SLC13A2: variants seen among roughly 807,000 people sequenced by gnomAD.
The protein encoded by SLC13A2 is solute carrier family 13 member 2, also known as Na(+)-coupled citrate transporter.
SLC13A2 carries 40 observed loss-of-function variants against 58.5 expected under a neutral mutation model. That is an observed-to-expected ratio of 0.68 (90% CI 0.53 to 0.89). SLC13A2 has a LOEUF of 0.89. Ranked by LOEUF, SLC13A2 falls within the 40% of genes least tolerant of loss-of-function variation. The pLI is 0.00. For synonymous variants in SLC13A2, 341 were observed against 331.6 expected, an observed-to-expected ratio of 1.03 and a Z score of -0.31; for missense variants, 694 against 772.6, an observed-to-expected ratio of 0.90 and a Z score of 1.21.
At chr17:28,487,482 T>C (rs2068903226) in intron 1 of SLC13A2, 1 of 937,570 alleles carries the variant, frequency 1.1e-6, no homozygotes, top group Non-Finnish European at 1.3e-6. Flanking sequence ...TTGAAGCACA[T>C]AGAATATGAC....
In SLC13A2 at chr17:28,494,849, TG is replaced by T. The variant is rs1567860191; in HGVS notation, c.1308+342del. Among the ~76,000 whole-genome samples, 1 of 151,994 alleles carries T rather than the reference TG, an allele frequency of 6.6e-6. No individual in the cohort carries two copies. The highest frequency in any genetic ancestry group is 2.4e-5 in the African/African-American group (1 of 41,362). ...ACAGTAGCATCAGCACCAAAGTAAT[TG>T]GGGGTTGTGTTGACGCGGTCTGCCC... On this transcript the variant is annotated intron_variant, in intron 9 of 11. Coordinates refer to ENST00000314669, the MANE Select transcript of SLC13A2 (RefSeq NM_003984.4). The surrounding 1 kb of genome is among the most constrained non-coding windows in gnomAD (Gnocchi z 4.0).
At chr17:28,484,731 C>G (rs1311139967) in intron 1 of SLC13A2, among the ~76,000 whole-genome samples, 1 of 152,144 alleles carries the variant, frequency 6.6e-6, no homozygotes, top group East Asian at 1.9e-4. Flanking sequence ...AGACTTGGAC[C>G]AGGCTAGTGG....
chr17:28,479,458 G>C (rs2068745875), intron 1 of SLC13A2, among the ~76,000 whole-genome samples: 2 of 152,138 alleles, frequency 1.3e-5, no homozygotes, highest in South Asian at 2.1e-4. Flanking sequence ...ACAGGGAGGA[G>C]TAGGGATTTT....
chr17:28,483,224 C>T (rs1416596960), intron 1 of SLC13A2, among the ~76,000 whole-genome samples: 2 of 152,230 alleles, frequency 1.3e-5, no homozygotes, highest in African/African-American at 4.8e-5. Context: ...TCCTTGGCAC[C>T]TTCACTTCCA....
At chr17:28,491,345 G>T in intron 4 of SLC13A2, 92 bp from the exon 5 acceptor site, 1 of 1,431,034 alleles carries the variant, frequency 7.0e-7, no homozygotes, top group Non-Finnish European at 9.6e-7. Context: ...GCTGTTCACA[G>T]ACAAGGTACC....
intron 2 of SLC13A2, 53 bp from the exon 3 acceptor site, chr17:28,490,401 C>A (rs782712541): frequency 6.2e-7 from 1 of 1,613,926 alleles, no homozygotes; most frequent in Non-Finnish European, 8.5e-7. Flanking sequence ...CTCGGGGGCA[C>A]CGTGGGAGAC....
chr17:28,484,534 A>T (rs1597877299), intron 1 of SLC13A2, among the ~76,000 whole-genome samples: 1 of 152,168 alleles, frequency 6.6e-6, no homozygotes, highest in Non-Finnish European at 1.5e-5. Flanking sequence ...TCCTGAAAGC[A>T]CTAGGAAGCC....
chr17:28,482,026 G>GTTTGTTTT (rs1464210631), intron 1 of SLC13A2, among the ~76,000 whole-genome samples: 1 of 152,008 alleles, frequency 6.6e-6, no homozygotes, highest in Non-Finnish European at 1.5e-5. Context: ...TTGTTTGTTT[G>GTTTGTTTT]TTTGTTTTGA....
chr17:28,489,073 G>A, intron 1 of SLC13A2, 141 bp from the exon 2 acceptor site: 3 of 950,966 alleles, frequency 3.2e-6, no homozygotes, highest in South Asian at 3.3e-5. Context: ...TGAGACCTTG[G>A]GCTTGGGAAT....
chr17:28,489,864 C>A (rs997574536), intron 2 of SLC13A2, among the ~76,000 whole-genome samples: 21 of 152,208 alleles, frequency 1.4e-4, no homozygotes, highest in African/African-American at 4.8e-4. Flanking sequence ...ATCTATCTCC[C>A]AGTCCATGGC....
Position 28,473,790 on chromosome 17 carries a change from T to G in SLC13A2, c.78T>G (p.Pro26=). Residue 26 remains proline (P), a synonymous_variant, in exon 1 of 12, where the codon CCT becomes CCG. Coordinates refer to ENST00000314669, the MANE Select transcript of SLC13A2 (RefSeq NM_003984.4). ...TCTTCGTGCCCATTCTCCTGCTGCC[T>G]CTGCCCATCCTCGTCCCCAGTAAGG... ...IVFFVPILLL[P]LPILVPSKEA... is the part of the protein sequence containing the mutation. 6.2e-7 allele frequency: 1 copy of G among 1,614,132 alleles called. No homozygotes were observed. The highest frequency in any genetic ancestry group is 8.5e-7 in the Non-Finnish European group (1 of 1,180,014).
rs782768888 is a variant in SLC13A2 at position 28,491,736 on chromosome 17, C to A, written c.762C>A (p.Phe254Leu). The A allele has an allele frequency of 1.2e-6, 2 of 1,614,102 alleles. No individual in the cohort carries two copies. Among genetic ancestry groups the A allele is most frequent in the South Asian group, 1.1e-5 (1 of 91,072 alleles). Residue 254 changes from phenylalanine to leucine, a missense_variant, in exon 6 of 12, where the codon TTC becomes TTA. Physicochemically the swap from Phe to Leu is conservative, Grantham distance 22. Transcript: ENST00000314669. ...LVLQGQINSL[F>L]PQNGNVVNFA... The stretch of plus-strand genomic sequence containing the variant: ...GCCCATGTTCCTCCTTCAGGCTCTT[C>A]CCCCAAAACGGCAACGTGGTGAACT...
chr17:28,493,781 G>A lies in SLC13A2; in HGVS notation c.1089G>A (p.Lys363=). ...GCAATTTGGCTTTTCCCAATGCCAA[G>A]GGGGAGAGGTGAGAGTTGCAGGGGT... ...GWGNLAFPNA[K]GESMVSDGTV... Residue 363 remains lysine (K), a synonymous_variant, in exon 7 of 12, where the codon AAG becomes AAA. Coordinates refer to ENST00000314669, the MANE Select transcript of SLC13A2 (RefSeq NM_003984.4). 6.2e-7 allele frequency: 1 copy of A among 1,614,168 alleles called. No individual in the cohort carries two copies. The highest frequency in any genetic ancestry group is 8.5e-7 in the Non-Finnish European group (1 of 1,180,032).
Position 28,490,598 on chromosome 17 carries a change from C to T in SLC13A2, c.368+8C>T. ...TGGGGTGCGGCCTGCCCCGTGAGTT[C>T]CTCCTGCAAACCAGCACGGGAGAAC... On this transcript the variant is annotated splice_region_variant and intron_variant, in intron 3 of 11. Transcript: ENST00000314669. The T allele has an allele frequency of 6.3e-7, 1 of 1,593,612 alleles. No individual in the cohort carries two copies. The highest frequency in any genetic ancestry group is 8.6e-7 in the Non-Finnish European group (1 of 1,165,976).
In SLC13A2 at chr17:28,490,845, C is replaced by T. The variant is rs2069003155; in HGVS notation, c.513C>T (p.Gly171=). ...AAGCCAGCAGCAACGTCGAGGAGGGCAGCAACAACCCCACCTTCGAGCTCC... is the reference window on the plus strand; with the variant it reads ...AAGCCAGCAGCAACGTCGAGGAGGGTAGCAACAACCCCACCTTCGAGCTCC... ...SSQASSNVEE[G]SNNPTFELQE... Residue 171 remains glycine (G), a synonymous_variant, in exon 4 of 12, where the codon GGC becomes GGT. Coordinates refer to ENST00000314669, the MANE Select transcript of SLC13A2 (RefSeq NM_003984.4). The T allele has an allele frequency of 1.2e-6, 2 of 1,613,976 alleles. No homozygotes were observed. Among genetic ancestry groups the T allele is most frequent in the South Asian group, 1.1e-5 (1 of 91,070 alleles).
chr17:28,488,515 C>T (rs997899448), intron 1 of SLC13A2, among the ~76,000 whole-genome samples: 1 of 152,212 alleles, frequency 6.6e-6, no homozygotes, highest in East Asian at 1.9e-4. Context: ...CCCTTCCAGG[C>T]CTGAGGTCAG....
chr17:28,485,855 C>T lies in SLC13A2; in HGVS notation c.103-3359C>T, dbSNP rs1317372108. ...ACAAAAAAAAAAAAAATTAGCTGGG[C>T]GTTGTGACACATGCCTGTAGTCCCA... On this transcript the variant is annotated intron_variant, in intron 1 of 11. Coordinates refer to ENST00000314669, the MANE Select transcript of SLC13A2 (RefSeq NM_003984.4). Among the ~76,000 whole-genome samples the T allele has an allele frequency of 2.0e-5, 3 of 151,876 alleles. No individual in the cohort carries two copies. In the South Asian group the frequency reaches 6.2e-4, roughly 32 times the overall value.
intron 4 of SLC13A2, 37 bp downstream of exon 4, chr17:28,490,943 T>C: frequency 6.4e-7 from 1 of 1,558,594 alleles, no homozygotes; most frequent in African/African-American, 1.4e-5. Flanking sequence ...CCCAACCCCT[T>C]GGTTCTTGGA....
chr17:28,494,850 G>C lies in SLC13A2; in HGVS notation c.1308+338G>C, dbSNP rs1453410484. ...CAGTAGCATCAGCACCAAAGTAATT[G>C]GGGGTTGTGTTGACGCGGTCTGCCC... On this transcript the variant is annotated intron_variant, in intron 9 of 11. Transcript: ENST00000314669. The surrounding 1 kb of genome is among the most constrained non-coding windows in gnomAD (Gnocchi z 4.0). Among the ~76,000 whole-genome samples the C allele has an allele frequency of 3.3e-5, 5 of 152,092 alleles. No individual in the cohort carries two copies. Among genetic ancestry groups the C allele is most frequent in the African/African-American group, 4.8e-5 (2 of 41,388 alleles).
Sources: gnomAD v4.1 joint callset for allele counts (sites outside exome capture counted in the v4.1 genomes callset) on GRCh38, gnomAD v4.1.1 for gene constraint, Gnocchi (gnomAD v3.1) non-coding constraint, MANE v1.5 for transcripts, NCBI Gene and HGNC (gene_info 2026-07-23, HGNC 2026-07-21) for gene names.